The following ULK3 variants were observed in gnomAD, a reference collection of about 807,000 sequenced individuals.
ULK3 encodes unc-51 like kinase 3.
ULK3 carries 54 observed loss-of-function variants against 69.4 expected under a neutral mutation model. That is an observed-to-expected ratio of 0.78 (90% CI 0.63 to 0.98). ULK3 has a LOEUF of 0.98. Among genes scored for constraint, ULK3 ranks in the 50% least tolerant of loss-of-function variants. The pLI, the probability that ULK3 is intolerant of heterozygous loss-of-function variation, is 0.00. For synonymous variants in ULK3, 240 were observed against 254.5 expected (o/e 0.94, Z 0.54); for missense variants, 558 against 627.7 (o/e 0.89, Z 1.19).
chr15:74,838,393 T>TCCCTG lies in ULK3; in HGVS notation c.1167+42_1167+46dup, dbSNP rs780916183. ...TGCTTAGGGTCATGGCCTGGGTATCTCCCTGCCCTGCCCCGACCCACCTGG... is the reference window on the plus strand; with the variant it reads ...TGCTTAGGGTCATGGCCTGGGTATCTCCCTGCCCTGCCCTGCCCCGACCCACCTGG... On this transcript the variant is annotated intron_variant, in intron 11 of 15. Coordinates refer to ENST00000440863, the MANE Select transcript of ULK3 (RefSeq NM_001099436.4). 5.8e-6 allele frequency: 9 copies of TCCCTG among 1,561,508 alleles called. No homozygotes were observed. The African/African-American group carries it at 1.2e-4, about 21-fold the overall frequency.
rs2064301924 is a variant in ULK3, at chr15:74,842,622, G to A, written c.103-202C>T. On this transcript the variant is annotated intron_variant, in intron 1 of 15. Transcript: ENST00000440863. This position sits in a 1 kb window ranked among gnomAD's most constrained non-coding sequence, Gnocchi z 4.9. ...TCTGGAATCCTGGCTTCCCGACACA[G>A]CCTCAGCCTGGTCTTCTCCAACCCT... is the stretch of plus-strand genomic sequence containing the variant. 2 of 1,539,592 alleles carry A rather than the reference G, an allele frequency of 1.3e-6. No individual in the cohort carries two copies. The highest frequency in any genetic ancestry group is 1.4e-5 in the African/African-American group (1 of 73,122).
rs572752026 is a variant in ULK3, at chr15:74,839,613, G to A, written c.797C>T (p.Ala266Val). ...SRRISFQDFF[A>V]HPWVDLEHMP... is the part of the protein sequence containing the mutation. ...GTGCTCCAGGTCCACCCAGGGGTGC[G>A]CAAAAAAGTCCTGGAAGGAGATGCG... Residue 266 changes from alanine (A) to valine (V), a missense_variant, in exon 7 of 16, where the codon GCG becomes GTG. Transcript: ENST00000440863. 13 of 1,562,912 alleles carry A rather than the reference G, an allele frequency of 8.3e-6. No homozygotes were observed. The highest frequency in any genetic ancestry group is 8.1e-5 in the African/African-American group (6 of 73,662).
At chr15:74,839,813 A>T (rs2064180084) in intron 6 of ULK3, 100 bp from the exon 7 acceptor site, 1 of 1,414,496 alleles carries the variant, frequency 7.1e-7, no homozygotes, top group Non-Finnish European at 9.3e-7. Flanking sequence ...CGCGTTGGAC[A>T]GGTGGGGAAT....
intron 13 of ULK3, 136 bp downstream of exon 13, chr15:74,838,016 G>T: frequency 7.2e-7 from 1 of 1,397,468 alleles, no homozygotes; most frequent in South Asian, 1.4e-5. Context: ...GAGCACCCCA[G>T]CCCTATGGTT....
rs772075476 is a variant in ULK3 at position 74,840,273 on chromosome 15, C to T, written c.657G>A (p.Ser219=). ...TGCTACGGATCTTCTCTTCCAGCTC[C>T]GAGAACGACCTGGAGGCAAAGGGGG... ...GQPPFASRSF[S]ELEEKIRSNR... is the part of the protein sequence containing the mutation. The change falls in exon 6 of 16, where the codon TCG becomes TCA. Residue 219 remains serine (S), a synonymous_variant. Coordinates refer to ENST00000440863, the MANE Select transcript of ULK3 (RefSeq NM_001099436.4). 11 of 1,611,208 alleles carry T rather than the reference C, an allele frequency of 6.8e-6. No homozygotes were observed. The highest frequency in any genetic ancestry group is 3.4e-5 in the Admixed American group (2 of 59,684).
intron 14 of ULK3, 105 bp downstream of exon 14, chr15:74,837,646 G>A (rs1218417172): frequency 1.4e-6 from 2 of 1,392,158 alleles, no homozygotes; most frequent in East Asian, 5.0e-5. Flanking sequence ...GGCCTGCAGA[G>A]GAGGCGAGAG....
rs188393533 is a variant in ULK3, at chr15:74,838,983, C to A, written c.999+27G>T. ...CTCCGGGCCTTACCCCCTGCCCCCC[C>A]ACTTCCTCATGGGGACTCTCACCCA... On this transcript the variant is annotated intron_variant, in intron 9 of 15. Transcript: ENST00000440863. 497 of 1,589,498 alleles carry A rather than the reference C, an allele frequency of 3.1e-4. No individual in the cohort carries two copies. In the African/African-American group the frequency reaches 5.7e-3, roughly 18 times the overall value.
Position 74,839,638 on chromosome 15 carries a change from G to C in ULK3, c.772C>G (p.Arg258Gly), listed in dbSNP as rs1333795238. ...GCAAAAAAGTCCTGGAAGGAGATGC[G>C]ACGGCTGGGGTCCCGCTCCAGGAGC... ...QRLLERDPSR[R>G]ISFQDFFAHP... Residue 258 changes from arginine to glycine, a missense_variant, in exon 7 of 16, where the codon CGC becomes GGC. Transcript: ENST00000440863. 2 of 1,555,748 alleles carry C rather than the reference G, an allele frequency of 1.3e-6. No homozygotes were observed. The highest frequency in any genetic ancestry group is 1.4e-5 in the African/African-American group (1 of 73,414).
Position 74,841,504 on chromosome 15 carries a change from C to A in ULK3, c.370G>T (p.Ala124Ser). The A allele has an allele frequency of 1.2e-6, 2 of 1,613,774 alleles. No homozygotes were observed. Among genetic ancestry groups the A allele is most frequent in the Non-Finnish European group, 1.7e-6 (2 of 1,179,772 alleles). Residue 124 changes from alanine to serine, a missense_variant, in exon 4 of 16, where the codon GCC (alanine) becomes TCC (serine). By Grantham distance (99) the Ala-to-Ser change is moderately conservative (BLOSUM62 1). Transcript: ENST00000440863. ...TTCCGTTCATGCAGGAATTGCAGGGCGCTAGCTGAGGAGCAGGACCCACGA... is the reference window on the plus strand; with the variant it reads ...TTCCGTTCATGCAGGAATTGCAGGGAGCTAGCTGAGGAGCAGGACCCACGA... The part of the protein sequence containing the change: ...ARVFMQQLAS[A>S]LQFLHERNIS...
In ULK3 at chr15:74,842,578, G is replaced by A. The variant is rs888547358; in HGVS notation, c.103-158C>T. The A allele has an allele frequency of 7.0e-6, 11 of 1,573,758 alleles. No individual in the cohort carries two copies. Among genetic ancestry groups the A allele is most frequent in the South Asian group, 1.1e-5 (1 of 88,700 alleles). On this transcript the variant is annotated intron_variant, in intron 1 of 15. Coordinates refer to ENST00000440863, the MANE Select transcript of ULK3 (RefSeq NM_001099436.4). This position sits in a 1 kb window ranked among gnomAD's most constrained non-coding sequence, Gnocchi z 4.9. ...GGGCTTCCCAGCTTTCCCTTGTGAG[G>A]CCAGTGAGGAATGCTGATTCTGGAA... is the stretch of plus-strand genomic sequence containing the variant.
In ULK3 at chr15:74,842,939, A is replaced by T; in HGVS notation, c.102+65T>A. 2 of 1,496,312 alleles carry T rather than the reference A, an allele frequency of 1.3e-6. No individual in the cohort carries two copies. The allele number at this position is 1,496,312 out of a possible 1,614,324, so 92.7% of individuals were successfully genotyped here. A position where few individuals can be genotyped will look rare whatever the true frequency, so the allele number is the denominator to read the frequency against. Reference sequence around the variant, plus strand: ...TCCCACACTGTCGCTAACCTCTCAGAGTCTCCCCGGCCGGCACCAGCCGAG... The same window carrying T: ...TCCCACACTGTCGCTAACCTCTCAGTGTCTCCCCGGCCGGCACCAGCCGAG... On this transcript the variant is annotated intron_variant, in intron 1 of 15. Coordinates refer to ENST00000440863, the MANE Select transcript of ULK3 (RefSeq NM_001099436.4). This position sits in a 1 kb window ranked among gnomAD's most constrained non-coding sequence, Gnocchi z 4.9.
rs1567241501 is a variant in ULK3, at chr15:74,842,272, G to A, written c.243+8C>T. Reference sequence around the variant, plus strand: ...CCCTTTGGCAGCGGCCCCGCCCCAGGCTCACACCTGAAAGTCTTTCAGCTG... The same window carrying A: ...CCCTTTGGCAGCGGCCCCGCCCCAGACTCACACCTGAAAGTCTTTCAGCTG... On this transcript the variant is annotated splice_region_variant and intron_variant, in intron 2 of 15. Transcript: ENST00000440863. This position sits in a 1 kb window ranked among gnomAD's most constrained non-coding sequence, Gnocchi z 4.9. 1.9e-6 allele frequency: 3 copies of A among 1,613,976 alleles called. No individual in the cohort carries two copies. The highest frequency in any genetic ancestry group is 2.5e-6 in the Non-Finnish European group (3 of 1,179,890).
chr15:74,837,976 T>C, intron 13 of ULK3, 176 bp downstream of exon 13: 1 of 1,254,442 alleles, frequency 8.0e-7, no homozygotes. Flanking sequence ...TTTTTGCTGC[T>C]GGGTTCCCAG....
chr15:74,842,309 G>C lies in ULK3; in HGVS notation c.214C>G (p.Pro72Ala), dbSNP rs1029869289. 2 of 1,613,904 alleles carry C rather than the reference G, an allele frequency of 1.2e-6. No homozygotes were observed. The highest frequency in any genetic ancestry group is 2.7e-5 in the African/African-American group (2 of 74,940). Residue 72 changes from proline to alanine, a missense_variant, in exon 2 of 16, where the codon CCC (proline) becomes GCC (alanine). Coordinates refer to ENST00000440863, the MANE Select transcript of ULK3 (RefSeq NM_001099436.4). The surrounding 1 kb of genome is among the most constrained non-coding windows in gnomAD (Gnocchi z 4.9). ...EIEILKGIRH[P>A]HIVQLKDFQW... The stretch of plus-strand genomic sequence containing the variant: ...AAGTCTTTCAGCTGCACAATGTGGG[G>C]ATGTCGAATGCCCTTGAGGATCTCA...
At chr15:74,837,625 A>T in intron 14 of ULK3, 126 bp downstream of exon 14, 1 of 1,352,480 alleles carries the variant, frequency 7.4e-7, no homozygotes, top group Non-Finnish European at 1.0e-6. Flanking sequence ...GGGCAGATAC[A>T]GGGACAGGGA....
At chr15:74,838,951 C>T in intron 9 of ULK3, 59 bp downstream of exon 9, 1 of 1,556,288 alleles carries the variant, frequency 6.4e-7, no homozygotes, top group Admixed American at 1.9e-5. Flanking sequence ...CCAGAGGCCC[C>T]CGAGATCTCC....
Position 74,837,431 on chromosome 15 carries a change from CT to C in ULK3, c.1339del (p.Arg447GlyfsTer36). Reference protein sequence around the residue: ...AEYLKEQVKMRESRWEADTLD... With the variant: ...AEYLKEQVKMXESRWEADTLD... ...GGTGTCAGCTTCCCAGCGAGATTCC[CT>C]CATCTGTGGGATGTGAAGGCAGCAC... On this transcript the variant is annotated frameshift_variant, in exon 15 of 16. Transcript: ENST00000440863. LOFTEE classifies it high-confidence loss of function. 2 of 1,611,616 alleles carry C rather than the reference CT, an allele frequency of 1.2e-6. No homozygotes were observed. Among genetic ancestry groups the C allele is most frequent in the Non-Finnish European group, 1.7e-6 (2 of 1,178,962 alleles).
At chr15:74,837,545 CCGAGCAAG>C in intron 14 of ULK3, 110 bp from the exon 15 acceptor site, 2 of 687,322 alleles carry the variant, frequency 2.9e-6, no homozygotes, top group Non-Finnish European at 4.6e-6. Flanking sequence ...CAGCGCAGTG[CCGAGCAAG>C]TGAGAGAGTG....
At position 74,837,803 on chromosome 15, in the gene ULK3, C is replaced by A; in HGVS notation, c.1288-5G>T. The A allele has an allele frequency of 6.3e-7, 1 of 1,591,742 alleles. No individual in the cohort carries two copies. The highest frequency in any genetic ancestry group is 8.6e-7 in the Non-Finnish European group (1 of 1,168,604). ...TCGGGCCATGAGGTTCTGAACCTGC[C>A]AAGGAAAGATATGCCCTTGGGTGTG... On this transcript the variant is annotated splice_region_variant and splice_polypyrimidine_tract_variant and intron_variant, in intron 13 of 15. Coordinates refer to ENST00000440863, the MANE Select transcript of ULK3 (RefSeq NM_001099436.4).
Sources: gnomAD v4.1 joint callset for allele counts on GRCh38, gnomAD v4.1.1 for gene constraint, Gnocchi (gnomAD v3.1) non-coding constraint, MANE v1.5 for transcripts, NCBI Gene and HGNC (gene_info 2026-07-23, HGNC 2026-07-21) for gene names.